FOXO1: variants seen among roughly 807,000 people sequenced by gnomAD.
The protein encoded by FOXO1 is forkhead box protein O1.
Under a neutral mutation model 44.1 loss-of-function variants are expected in FOXO1, and 6 were observed. The ratio of observed to expected loss-of-function variants is 0.14; its 90% CI spans 0.07 to 0.27. FOXO1 has a LOEUF of 0.27. FOXO1 is among the 10% of genes least tolerant of loss of function. FOXO1 has a pLI of 1.00. For missense variants in FOXO1, 737 were observed against 888.8 expected, an observed-to-expected ratio of 0.83 and a Z score of 2.17; for synonymous variants, 380 against 362.7, an observed-to-expected ratio of 1.05 and a Z score of -0.54.
At chr13:40,647,194 C>T (rs1291612794) in intron 1 of FOXO1, among the ~76,000 whole-genome samples, 1 of 152,102 alleles carries the variant, frequency 6.6e-6, no homozygotes, top group Non-Finnish European at 1.5e-5. Context: ...CTTTATTCAC[C>T]ATATAATTCT....
intron 1 of FOXO1, among the ~76,000 whole-genome samples, chr13:40,613,698 C>T (rs999677612): frequency 2.6e-5 from 4 of 152,180 alleles, no homozygotes; most frequent in South Asian, 2.1e-4. Context: ...TGAAACAGGT[C>T]CCCAAAGAGG....
intron 1 of FOXO1, among the ~76,000 whole-genome samples, chr13:40,590,372 C>T (rs979855834): frequency 2.0e-5 from 3 of 152,292 alleles, no homozygotes; most frequent in East Asian, 1.9e-4. Flanking sequence ...TAAGACTCTT[C>T]GGTCTCTTCT....
intron 1 of FOXO1, among the ~76,000 whole-genome samples, chr13:40,612,240 T>C (rs1268828643): frequency 6.6e-6 from 1 of 152,144 alleles, no homozygotes; most frequent in Non-Finnish European, 1.5e-5. Context: ...TTATCAGCTG[T>C]CATGCCATAG....
intron 1 of FOXO1, among the ~76,000 whole-genome samples, chr13:40,593,283 C>T (rs1432956817): frequency 1.3e-5 from 2 of 152,160 alleles, no homozygotes; most frequent in Non-Finnish European, 2.9e-5. Flanking sequence ...CCACAATGGC[C>T]TCACAAAGTG....
chr13:40,663,829 G>C (rs1379151942), intron 1 of FOXO1, among the ~76,000 whole-genome samples: 1 of 152,204 alleles, frequency 6.6e-6, no homozygotes, highest in Non-Finnish European at 1.5e-5. Flanking sequence ...CTTCAATAAG[G>C]TGTGAGTAAC....
chr13:40,564,075 T>C (rs562757154), intron 1 of FOXO1, among the ~76,000 whole-genome samples: 104 of 152,282 alleles, frequency 6.8e-4, no homozygotes, highest in Non-Finnish European at 1.2e-3. Flanking sequence ...GGAAGAAAGA[T>C]CTTCCCAGAT....
At chr13:40,656,788 C>T (rs988458097) in intron 1 of FOXO1, among the ~76,000 whole-genome samples, 1 of 152,054 alleles carries the variant, frequency 6.6e-6, no homozygotes, top group African/African-American at 2.4e-5. Flanking sequence ...TCTACCTATA[C>T]TTTTCAAACT....
At chr13:40,574,825 AAAAAG>A (rs1874682483) in intron 1 of FOXO1, among the ~76,000 whole-genome samples, 1 of 152,232 alleles carries the variant, frequency 6.6e-6, no homozygotes, top group South Asian at 2.1e-4. Context: ...TACCACCCCC[AAAAAG>A]AAAAGTTTCA....
intron 1 of FOXO1, among the ~76,000 whole-genome samples, chr13:40,617,634 T>C (rs931736163): frequency 2.6e-5 from 4 of 151,038 alleles, no homozygotes; most frequent in African/African-American, 9.7e-5. Context: ...TCAGCACTCC[T>C]CTCCTAACTA....
At chr13:40,596,062 G>C (rs1875567362) in intron 1 of FOXO1, among the ~76,000 whole-genome samples, 1 of 151,926 alleles carries the variant, frequency 6.6e-6, no homozygotes. Context: ...TGGAAGGACA[G>C]GGGTTTCAGC....
chr13:40,570,961 C>T (rs1874467945), intron 1 of FOXO1, among the ~76,000 whole-genome samples: 1 of 152,210 alleles, frequency 6.6e-6, no homozygotes, highest in South Asian at 2.1e-4. Context: ...TATAACCCCT[C>T]TGTATCAGGT....
At chr13:40,628,400 G>A (rs955528074) in intron 1 of FOXO1, among the ~76,000 whole-genome samples, 9 of 145,816 alleles carry the variant, frequency 6.2e-5, no homozygotes, top group South Asian at 2.2e-4. Flanking sequence ...CCCCGTGAGG[G>A]TTTCAGTCTT....
Position 40,572,701 on chromosome 13 carries a change from G to C in FOXO1, c.631-11841C>G, listed in dbSNP as rs187150192. Among the ~76,000 whole-genome samples the C allele has an allele frequency of 1.2e-4, 18 of 152,254 alleles. No homozygotes were observed. The East Asian group carries it at 3.1e-3, about 26-fold the overall frequency. ...ACCCAATAATAGCAAAACTATTTGG[G>C]CCCAGGTTTATGCTAAAGAGAAACT... On this transcript the variant is annotated intron_variant, in intron 1 of 2. Coordinates refer to ENST00000379561, the MANE Select transcript of FOXO1 (RefSeq NM_002015.4).
chr13:40,600,139 A>C (rs1387995779), intron 1 of FOXO1, among the ~76,000 whole-genome samples: 1 of 152,212 alleles, frequency 6.6e-6, no homozygotes, highest in Non-Finnish European at 1.5e-5. Flanking sequence ...TCAAAACCTG[A>C]TGACTTCAGG....
At chr13:40,571,521 C>A (rs1375907290) in intron 1 of FOXO1, among the ~76,000 whole-genome samples, 1 of 152,140 alleles carries the variant, frequency 6.6e-6, no homozygotes, top group East Asian at 1.9e-4. Flanking sequence ...CAGGGAGGCA[C>A]AGAGGCCAGG....
At chr13:40,599,322 G>A (rs965114774) in intron 1 of FOXO1, among the ~76,000 whole-genome samples, 7 of 152,014 alleles carry the variant, frequency 4.6e-5, no homozygotes, top group Non-Finnish European at 1.0e-4. Flanking sequence ...CTGTCTAAAA[G>A]AGATGGGATT....
chr13:40,656,276 A>AG (rs1323560635), intron 1 of FOXO1, among the ~76,000 whole-genome samples: 1 of 152,256 alleles, frequency 6.6e-6, no homozygotes, highest in Non-Finnish European at 1.5e-5. Flanking sequence ...AGGCAATATT[A>AG]GAACTGACAT....
intron 1 of FOXO1, among the ~76,000 whole-genome samples, chr13:40,583,275 T>C (rs1483095797): frequency 1.3e-5 from 2 of 152,154 alleles, no homozygotes; most frequent in Non-Finnish European, 2.9e-5. Flanking sequence ...ACAGATAGAG[T>C]TGATTTAGCA....
At chr13:40,636,525 T>TTTA (rs1343431845) in intron 1 of FOXO1, among the ~76,000 whole-genome samples, 3 of 150,758 alleles carry the variant, frequency 2.0e-5, no homozygotes, top group African/African-American at 7.3e-5. Flanking sequence ...AACTTTTTTT[T>TTTA]TTTTTTTTTT....
Sources: allele counts gnomAD v4.1 joint callset (sites outside exome capture counted in the v4.1 genomes callset), GRCh38; gene constraint gnomAD v4.1.1; transcripts MANE v1.5; gene names NCBI Gene and HGNC (gene_info 2026-07-23, HGNC 2026-07-21).